Variants in MMP16 observed in about 807,000 individuals in gnomAD.
MMP16 encodes the protein matrix metallopeptidase 16.
Under a neutral mutation model 67.8 loss-of-function variants are expected in MMP16, and 12 were observed. The observed-to-expected ratio is 0.18, with a 90% CI of 0.11 to 0.29. The LOEUF is 0.29. MMP16 is among the 10% of genes least tolerant of loss of function. The probability of loss-of-function intolerance (pLI) is 1.00; values close to 1 mark genes in which losing one functional copy is unlikely to be tolerated. For synonymous variants in MMP16, 249 were observed against 255.9 expected, an observed-to-expected ratio of 0.97 and a Z score of 0.26; for missense variants, 475 against 765.7, an observed-to-expected ratio of 0.62 and a Z score of 4.48.
intron 6 of MMP16, among the ~76,000 whole-genome samples, chr8:88,099,435 C>G (rs1452293284): frequency 6.6e-6 from 1 of 151,780 alleles, no homozygotes; most frequent in African/African-American, 2.4e-5. Flanking sequence ...TCATACATTT[C>G]AAAAAATTCG....
intron 1 of MMP16, among the ~76,000 whole-genome samples, chr8:88,321,060 T>A (rs1453245626): frequency 6.6e-6 from 1 of 152,172 alleles, no homozygotes; most frequent in Admixed American, 6.5e-5. Context: ...GTCCCATATA[T>A]CATTACTTAG....
intron 1 of MMP16, among the ~76,000 whole-genome samples, chr8:88,249,383 C>A (rs543840206): frequency 6.6e-6 from 1 of 152,096 alleles, no homozygotes; most frequent in African/African-American, 2.4e-5. Context: ...TCAGCAGAGG[C>A]CTCATAAATG....
intron 7 of MMP16, among the ~76,000 whole-genome samples, chr8:88,073,176 A>G (rs1047482226): frequency 6.6e-6 from 1 of 152,116 alleles, no homozygotes; most frequent in Non-Finnish European, 1.5e-5. Flanking sequence ...GGTGTAGGAG[A>G]GGGGAATTTC....
chr8:88,078,375 T>TGTA (rs1808687918), intron 6 of MMP16, among the ~76,000 whole-genome samples: 1 of 152,182 alleles, frequency 6.6e-6, no homozygotes, highest in Admixed American at 6.5e-5. Flanking sequence ...ATTCACATAG[T>TGTA]GTACACCATG....
At chr8:88,092,040 A>C (rs1040417783) in intron 6 of MMP16, among the ~76,000 whole-genome samples, 6 of 151,838 alleles carry the variant, frequency 4.0e-5, no homozygotes, top group Non-Finnish European at 8.8e-5. Context: ...AAAATGCAGC[A>C]GTGATCCAAG....
chr8:88,158,481 C>T (rs1319696429), intron 4 of MMP16, among the ~76,000 whole-genome samples: 3 of 152,068 alleles, frequency 2.0e-5, no homozygotes, highest in East Asian at 1.9e-4. Flanking sequence ...TGAGAAGTGT[C>T]GATTCATATC....
intron 1 of MMP16, among the ~76,000 whole-genome samples, chr8:88,295,600 C>A (rs1350505582): frequency 6.7e-6 from 1 of 148,632 alleles, no homozygotes; most frequent in Non-Finnish European, 1.5e-5. Context: ...GTGATGATCT[C>A]AAGTTTCCAG....
intron 1 of MMP16, 88 bp from the exon 2 acceptor site, chr8:88,197,394 T>G (rs887837222): frequency 8.7e-7 from 1 of 1,152,460 alleles, no homozygotes; most frequent in African/African-American, 1.6e-5. Flanking sequence ...TAATAGAGTT[T>G]TGAACATTTT....
At chr8:88,173,056 G>A (rs1011022752) in intron 3 of MMP16, among the ~76,000 whole-genome samples, 5 of 152,048 alleles carry the variant, frequency 3.3e-5, no homozygotes, top group Non-Finnish European at 7.4e-5. Flanking sequence ...GGTTTTTGTT[G>A]TTGTTGTGGT....
At chr8:88,095,307 C>T (rs1440293171) in intron 6 of MMP16, among the ~76,000 whole-genome samples, 2 of 151,204 alleles carry the variant, frequency 1.3e-5, no homozygotes, top group Non-Finnish European at 3.0e-5. Flanking sequence ...TTTTTTCCAC[C>T]AGCAACCTAA....
At chr8:88,150,780 G>A (rs1453376091) in intron 4 of MMP16, among the ~76,000 whole-genome samples, 1 of 151,456 alleles carries the variant, frequency 6.6e-6, no homozygotes, top group Non-Finnish European at 1.5e-5. Flanking sequence ...AAAGACCATC[G>A]ATGCTAGGAA....
At chr8:88,144,771 G>C (rs1808264947) in intron 4 of MMP16, among the ~76,000 whole-genome samples, 1 of 151,748 alleles carries the variant, frequency 6.6e-6, no homozygotes, top group Non-Finnish European at 1.5e-5. Flanking sequence ...TTTCTGTTAT[G>C]AATGAGCAAA....
intron 1 of MMP16, among the ~76,000 whole-genome samples, chr8:88,320,560 C>G (rs1455026843): frequency 6.6e-6 from 1 of 152,160 alleles, no homozygotes; most frequent in Non-Finnish European, 1.5e-5. Context: ...CTTAGTTCAT[C>G]AAATATGTAA....
At position 88,286,235 on chromosome 8, in the gene MMP16, C is replaced by A. The variant is rs921151912; in HGVS notation, c.132+40840G>T. Among the ~76,000 whole-genome samples the A allele has an allele frequency of 2.6e-5, 4 of 152,266 alleles. No individual in the cohort carries two copies. In the East Asian group the frequency reaches 5.8e-4, roughly 22 times the overall value. On this transcript the variant is annotated intron_variant, in intron 1 of 9. Transcript: ENST00000286614. ...TCCTGTCCATGTTCTTTTGCCTACA[C>A]AAAGCCATTCAGTGTAAGAATCTCA...
Position 88,041,795 on chromosome 8 carries a change from C to T in MMP16, c.1490G>A (p.Gly497Asp). ...PQGAFVHKEN[G>D]FTYFYKGKEY... Reference sequence around the variant, plus strand: ...CTTTCCTTTGTAGAAATACGTAAAGCCTAGGGGGAAAAACATACACACACA... The same window carrying T: ...CTTTCCTTTGTAGAAATACGTAAAGTCTAGGGGGAAAAACATACACACACA... Residue 497 changes from glycine (G) to aspartate (D), a missense_variant and splice_region_variant, in exon 10 of 10, where the codon GGC becomes GAC. By Grantham distance (94) the Gly-to-Asp change is moderately conservative (BLOSUM62 -1). Around this residue, in one of 5 missense-constraint regions of MMP16, gnomAD observed 23 missense variants for 79.1 expected, o/e 0.29. Transcript: ENST00000286614. This position sits in a 1 kb window ranked among gnomAD's most constrained non-coding sequence, Gnocchi z 6.0. The T allele has an allele frequency of 1.3e-6, 2 of 1,597,976 alleles. No individual in the cohort carries two copies. Among genetic ancestry groups the T allele is most frequent in the South Asian group, 1.1e-5 (1 of 89,136 alleles).
chr8:88,148,807 C>A (rs1223696572), intron 4 of MMP16, among the ~76,000 whole-genome samples: 1 of 152,132 alleles, frequency 6.6e-6, no homozygotes, highest in African/African-American at 2.4e-5. Context: ...AAAATCTCTA[C>A]ATGTTACTTG....
intron 1 of MMP16, among the ~76,000 whole-genome samples, chr8:88,290,921 C>CA (rs894179575): frequency 2.0e-5 from 3 of 151,846 alleles, no homozygotes; most frequent in African/African-American, 7.3e-5. Context: ...CTTAAATATT[C>CA]AAAAAATGAA....
chr8:88,290,449 A>C (rs1810909302), intron 1 of MMP16, among the ~76,000 whole-genome samples: 1 of 152,122 alleles, frequency 6.6e-6, no homozygotes, highest in Non-Finnish European at 1.5e-5. Flanking sequence ...GCTATTCAGG[A>C]GGCTGAGGCA....
chr8:88,112,015 G>C (rs1254234319), intron 6 of MMP16, among the ~76,000 whole-genome samples: 2 of 151,706 alleles, frequency 1.3e-5, no homozygotes. Flanking sequence ...TCCTGACTCA[G>C]AGTCATGAGA....
Sources: allele counts gnomAD v4.1 joint callset (sites outside exome capture counted in the v4.1 genomes callset), GRCh38; gene constraint gnomAD v4.1.1; regional missense constraint gnomAD v4.1.1; non-coding constraint Gnocchi (gnomAD v3.1); transcripts MANE v1.5; gene names NCBI Gene and HGNC (gene_info 2026-07-23, HGNC 2026-07-21).